Variants in UBA6 observed in about 807,000 individuals in gnomAD.
UBA6 encodes ubiquitin like modifier activating enzyme 6, also known as ubiquitin-like modifier-activating enzyme 6.
A neutral mutation model predicts 148.3 loss-of-function variants in UBA6; 87 were observed. The ratio of observed to expected loss-of-function variants is 0.59; its 90% CI spans 0.49 to 0.70. UBA6 has a LOEUF of 0.70. Among genes scored for constraint, UBA6 ranks in the 30% least tolerant of loss-of-function variants. The pLI is 0.00. For synonymous variants in UBA6, 376 were observed against 401.0 expected, an observed-to-expected ratio of 0.94 and a Z score of 0.75; for missense variants, 1,186 against 1,241.2, an observed-to-expected ratio of 0.96 and a Z score of 0.67.
In UBA6 at chr4:67,616,266, T is replaced by A. The variant is rs142859993; in HGVS notation, c.*2731A>T. On this transcript the variant is annotated 3_prime_UTR_variant, in exon 33 of 33. Transcript: ENST00000322244. ...ATTATATAAAATTAGATATTTGCAA[T>A]CACAATGAATATTCATTATAGTGGA... The A allele has an allele frequency of 1.4e-3, 533 of 390,700 alleles. 2 individuals carry two copies. The highest frequency in any genetic ancestry group is 8.7e-3 in the African/African-American group (420 of 48,444). 24.2% of individuals were successfully genotyped at this position (390,700 alleles called of 1,614,324 possible). A position where few individuals can be genotyped will look rare whatever the true frequency, so the allele number is the denominator to read the frequency against.
At chr4:67,695,586 C>T (rs1730813898) in intron 2 of UBA6, among the ~76,000 whole-genome samples, 1 of 152,220 alleles carries the variant, frequency 6.6e-6, no homozygotes, top group African/African-American at 2.4e-5. Context: ...CTTAAAAACT[C>T]ACTACTGTAA....
rs760078389 is a variant in UBA6 at position 67,635,468 on chromosome 4, C to G, written c.1827G>C (p.Glu609Asp). ...ATTCACTTACATGACTATTGTAAGA[C>G]TCAGTCAAATGCGGTACAATAACTT... ...HTEVIVPHLT[E>D]SYNSHRDPPE... The change falls in exon 20 of 33, where the codon GAG becomes GAC. Residue 609 changes from glutamate (E) to aspartate (D), a missense_variant. Physicochemically the swap from Glu to Asp is conservative, Grantham distance 45. Coordinates refer to ENST00000322244, the MANE Select transcript of UBA6 (RefSeq NM_018227.6). 6.3e-7 allele frequency: 1 copy of G among 1,593,510 alleles called. No homozygotes were observed. The highest frequency in any genetic ancestry group is 8.6e-7 in the Non-Finnish European group (1 of 1,161,896).
chr4:67,694,215 CAAAAAAAAAA>C (rs769649769), intron 2 of UBA6, among the ~76,000 whole-genome samples: 5 of 41,870 alleles, frequency 1.2e-4, no homozygotes, highest in Admixed American at 9.7e-4. Context: ...GACTCCATCT[CAAAAAAAAAA>C]AAAAAAAAAA....
chr4:67,672,561 C>T (rs1730175614), intron 7 of UBA6, among the ~76,000 whole-genome samples: 1 of 152,002 alleles, frequency 6.6e-6, no homozygotes, highest in South Asian at 2.1e-4. Flanking sequence ...AACTCACAGG[C>T]CTAAAAACTC....
chr4:67,665,419 T>TG (rs1553908327), intron 9 of UBA6, 127 bp from the exon 10 acceptor site: 82 of 537,232 alleles, frequency 1.5e-4, no homozygotes, highest in Non-Finnish European at 2.2e-4. Context: ...TAGTGTTTTT[T>TG]TTTGTTTGTT....
intron 6 of UBA6, 21 bp from the exon 7 acceptor site, chr4:67,673,798 T>G (rs747386023): frequency 1.3e-6 from 2 of 1,530,222 alleles, no homozygotes; most frequent in Non-Finnish European, 1.8e-6. Context: ...AACAACAAAT[T>G]AAAAACTAGA....
intron 2 of UBA6, among the ~76,000 whole-genome samples, chr4:67,694,883 C>T (rs913030790): frequency 6.6e-6 from 1 of 152,202 alleles, no homozygotes; most frequent in African/African-American, 2.4e-5. Context: ...TGCAATAAGA[C>T]ACGCATACCA....
chr4:67,683,810 C>G (rs930128294), intron 2 of UBA6, among the ~76,000 whole-genome samples: 1 of 152,112 alleles, frequency 6.6e-6, no homozygotes, highest in Non-Finnish European at 1.5e-5. Context: ...TGGTGGCTCA[C>G]GCCTATAATC....
At chr4:67,659,726 A>G (rs1007535161) in intron 13 of UBA6, among the ~76,000 whole-genome samples, 2 of 122,424 alleles carry the variant, frequency 1.6e-5, no homozygotes, top group Non-Finnish European at 3.6e-5. Context: ...AAGATACCCA[A>G]AAGTGTGGAA....
At position 67,663,870 on chromosome 4, in the gene UBA6, A is replaced by C; in HGVS notation, c.960+15T>G. 1 of 1,611,526 alleles carries C rather than the reference A, an allele frequency of 6.2e-7. No individual in the cohort carries two copies. On this transcript the variant is annotated intron_variant, in intron 11 of 32. Transcript: ENST00000322244. ...ATTCTGCTGCCTCTCTCAAACCTGC[A>C]AAGTGTTTATTTACCTCAGGGTTGC...
chr4:67,631,630 T>C (rs1451301090), intron 25 of UBA6, 78 bp downstream of exon 25: 6 of 1,067,384 alleles, frequency 5.6e-6, no homozygotes, highest in African/African-American at 1.6e-5. Flanking sequence ...AGGTTTTCAC[T>C]CTGCAATGTA....
At position 67,649,876 on chromosome 4, in the gene UBA6, G is replaced by A. The variant is rs577053438; in HGVS notation, c.1105-665C>T. 2.6e-5 allele frequency among the ~76,000 whole-genome samples: 4 copies of A among 152,162 alleles called. No individual in the cohort carries two copies. The South Asian group carries it at 8.3e-4, about 32-fold the overall frequency. On this transcript the variant is annotated intron_variant, in intron 13 of 32. Coordinates refer to ENST00000322244, the MANE Select transcript of UBA6 (RefSeq NM_018227.6). Reference sequence around the variant, plus strand: ...TTCTCTTCTTATTCTTTAAACATTAGTAATCTTAATTTTATCACTAAACTT... The same window carrying A: ...TTCTCTTCTTATTCTTTAAACATTAATAATCTTAATTTTATCACTAAACTT...
intron 13 of UBA6, among the ~76,000 whole-genome samples, chr4:67,650,799 A>C (rs542068583): frequency 7.9e-5 from 12 of 152,292 alleles, no homozygotes; most frequent in African/African-American, 2.9e-4. Flanking sequence ...TGAGAGGTAT[A>C]AAACTGGTGG....
intron 23 of UBA6, 30 bp downstream of exon 23, chr4:67,633,305 AGATCAGACCT>A: frequency 6.6e-7 from 1 of 1,511,004 alleles, no homozygotes; most frequent in Non-Finnish European, 8.8e-7. Context: ...AAATAAGCCA[AGATCAGACCT>A]TTTCTTAATG....
intron 2 of UBA6, among the ~76,000 whole-genome samples, chr4:67,690,844 G>A (rs562402210): frequency 6.6e-6 from 1 of 152,272 alleles, no homozygotes; most frequent in Admixed American, 6.5e-5. Flanking sequence ...TTTGTGCACT[G>A]TTGGAAATGT....
Position 67,613,748 on chromosome 4 carries a change from C to T in UBA6, c.*5249G>A, listed in dbSNP as rs1276752802. ...TTCCTGTCTAAGGAGTCTGGGGAGTCATGCTCTACAAACCATAAATTCTCA... is the reference window on the plus strand; with the variant it reads ...TTCCTGTCTAAGGAGTCTGGGGAGTTATGCTCTACAAACCATAAATTCTCA... On this transcript the variant is annotated 3_prime_UTR_variant, in exon 33 of 33. Transcript: ENST00000322244. 1.3e-5 allele frequency: 2 copies of T among 152,202 alleles called. No individual in the cohort carries two copies. Among genetic ancestry groups the T allele is most frequent in the African/African-American group, 4.8e-5 (2 of 41,450 alleles). 9.4% of individuals were successfully genotyped at this position (152,202 alleles called of 1,614,324 possible).
intron 2 of UBA6, among the ~76,000 whole-genome samples, chr4:67,690,112 G>GAA (rs1199917358): frequency 2.2e-4 from 34 of 151,992 alleles, no homozygotes; most frequent in African/African-American, 8.2e-4. Flanking sequence ...AGCATTACAG[G>GAA]AACAGACAGT....
At position 67,681,595 on chromosome 4, in the gene UBA6, GA is replaced by G. The variant is rs752018384; in HGVS notation, c.230-5del. On this transcript the variant is annotated splice_polypyrimidine_tract_variant and splice_region_variant and intron_variant, in intron 3 of 32. Transcript: ENST00000322244. ...CCTGCAAGAACAAGATTCTTTGCTA[GA>G]AAGGCAAAAGAAAAAGGAATAGCTC... 2.5e-6 allele frequency: 4 copies of G among 1,579,174 alleles called. No individual in the cohort carries two copies. The East Asian group carries it at 6.9e-5, about 27-fold the overall frequency.
At chr4:67,683,167 C>T (rs1730480955) in intron 2 of UBA6, among the ~76,000 whole-genome samples, 1 of 152,094 alleles carries the variant, frequency 6.6e-6, no homozygotes, top group Admixed American at 6.5e-5. Flanking sequence ...AAAAACTATC[C>T]ATTTACACAT....
Sources: allele counts gnomAD v4.1 joint callset (sites outside exome capture counted in the v4.1 genomes callset), GRCh38; gene constraint gnomAD v4.1.1; transcripts MANE v1.5; gene names NCBI Gene and HGNC (gene_info 2026-07-23, HGNC 2026-07-21).